The following MICAL3 variants were observed in gnomAD, a reference collection of about 807,000 sequenced individuals.
MICAL3 encodes the protein [F-actin]-monooxygenase MICAL3.
Under a neutral mutation model 207.4 loss-of-function variants are expected in MICAL3, and 62 were observed. That is an observed-to-expected ratio of 0.30 (90% CI 0.24 to 0.37). The LOEUF is 0.37. MICAL3 is among the 10% of genes least tolerant of loss of function. MICAL3 has a pLI of 1.00. For synonymous variants in MICAL3, 1,077 were observed against 1,069.3 expected, an observed-to-expected ratio of 1.01 and a Z score of -0.14; for missense variants, 2,368 against 2,635.6, an observed-to-expected ratio of 0.90 and a Z score of 2.22.
At chr22:17,843,120 C>CAAAAAAAAA (rs71966425) in intron 19 of MICAL3, among the ~76,000 whole-genome samples, 2 of 62,890 alleles carry the variant, frequency 3.2e-5, no homozygotes, top group African/African-American at 6.2e-5. Flanking sequence ...GACTTCATCT[C>CAAAAAAAAA]AAAAAAAAAA....
At chr22:17,915,234 C>T (rs1280852445) in intron 1 of MICAL3, among the ~76,000 whole-genome samples, 1 of 152,238 alleles carries the variant, frequency 6.6e-6, no homozygotes, top group Non-Finnish European at 1.5e-5. Context: ...ACCCAACACT[C>T]TGCTTAGCAC....
chr22:17,947,938 C>T (rs1352551505), intron 1 of MICAL3, among the ~76,000 whole-genome samples: 2 of 152,002 alleles, frequency 1.3e-5, no homozygotes, highest in African/African-American at 4.8e-5. Context: ...GTGTCTCCTA[C>T]CAGACAGACA....
Position 18,014,359 on chromosome 22 carries a change from A to G in MICAL3, c.-75+9922T>C, listed in dbSNP as rs561427250. 3.3e-5 allele frequency among the ~76,000 whole-genome samples: 5 copies of G among 152,352 alleles called. No individual in the cohort carries two copies. In the East Asian group the frequency reaches 7.7e-4, roughly 23 times the overall value. Reference sequence around the variant, plus strand: ...AGGTTATGTAGCAAACCAAAGGTTCAGGAGAACCCAGGAACTGTATATTAG... The same window carrying G: ...AGGTTATGTAGCAAACCAAAGGTTCGGGAGAACCCAGGAACTGTATATTAG... On this transcript the variant is annotated intron_variant, in intron 1 of 31. Coordinates refer to ENST00000441493, the MANE Select transcript of MICAL3 (RefSeq NM_015241.3).
rs575538195 is a variant in MICAL3, at chr22:17,929,848, G to A, written c.-74-22962C>T. 3.9e-3 allele frequency among the ~76,000 whole-genome samples: 600 copies of A among 152,242 alleles called. 2 individuals carry two copies. Among genetic ancestry groups the A allele is most frequent in the Admixed American group, 6.0e-3 (91 of 15,292 alleles). ...CTCCCAAAGTGCTGGGATTACAGGC[G>A]TGAGCCACTGCGCCCGGCCTCTATG... On this transcript the variant is annotated intron_variant, in intron 1 of 31. Coordinates refer to ENST00000441493, the MANE Select transcript of MICAL3 (RefSeq NM_015241.3).
intron 1 of MICAL3, among the ~76,000 whole-genome samples, chr22:17,939,479 G>A (rs182682667): frequency 7.7e-4 from 118 of 152,322 alleles, no homozygotes; most frequent in Admixed American, 5.0e-3. Context: ...TAGCAGCCAC[G>A]TATCCCTGCC....
At chr22:17,919,076 G>GTTTTTTTTTTTTTTTTTTTTTTT (rs35096617) in intron 1 of MICAL3, among the ~76,000 whole-genome samples, 3 of 136,502 alleles carry the variant, frequency 2.2e-5, no homozygotes, top group African/African-American at 5.9e-5. Flanking sequence ...GTTTTTGTGG[G>GTTTTTTTTTTTTTTTTTTTTTTT]TTTTTTTTTT....
intron 19 of MICAL3, among the ~76,000 whole-genome samples, chr22:17,848,445 G>A (rs998547142): frequency 6.6e-6 from 1 of 152,182 alleles, no homozygotes; most frequent in African/African-American, 2.4e-5. Context: ...TTCCAGTTTA[G>A]GGCCAGGCCT....
intron 16 of MICAL3, among the ~76,000 whole-genome samples, chr22:17,877,405 GGGAAGTTAT>G (rs1928843907): frequency 5.3e-5 from 5 of 93,778 alleles, no homozygotes; most frequent in African/African-American, 1.2e-4. Context: ...AGGGAGGTTA[GGGAAGTTAT>G]GGAGGTTAGG....
At chr22:17,961,907 T>C (rs151088143) in intron 1 of MICAL3, among the ~76,000 whole-genome samples, 2 of 152,302 alleles carry the variant, frequency 1.3e-5, no homozygotes, top group East Asian at 3.9e-4. Flanking sequence ...GGCTGTGCAG[T>C]ATCACAAGAT....
intron 16 of MICAL3, chr22:17,881,141 T>C: frequency 7.5e-7 from 1 of 1,326,690 alleles, no homozygotes; most frequent in East Asian, 2.3e-5. Context: ...GTCTCTACAC[T>C]AGCCACCTAC....
At position 17,788,837 on chromosome 22, in the gene MICAL3, T is replaced by C. The variant is rs773923896; in HGVS notation, c.*1895A>G. ...AAGTTGAAGCACAGTGTGGTTCCCATGGAAAGCCCAAGGTCAGCACAGCCA... is the reference window on the plus strand; with the variant it reads ...AAGTTGAAGCACAGTGTGGTTCCCACGGAAAGCCCAAGGTCAGCACAGCCA... On this transcript the variant is annotated 3_prime_UTR_variant, in exon 32 of 32. Transcript: ENST00000441493. The C allele has an allele frequency of 1.3e-5, 2 of 152,438 alleles. No homozygotes were observed. Among genetic ancestry groups the C allele is most frequent in the African/African-American group, 4.8e-5 (2 of 41,484 alleles). The allele number at this position is 152,438 out of a possible 1,614,324, so 9.4% of individuals were successfully genotyped here. A position where few individuals can be genotyped will look rare whatever the true frequency, so the allele number is the denominator to read the frequency against.
chr22:17,874,041 G>A (rs1037216642), intron 16 of MICAL3, among the ~76,000 whole-genome samples: 1 of 152,246 alleles, frequency 6.6e-6, no homozygotes, highest in East Asian at 1.9e-4. Flanking sequence ...GGCCTCGTGT[G>A]AGGAAGAAAC....
chr22:17,857,537 A>G (rs939330929), intron 19 of MICAL3, among the ~76,000 whole-genome samples: 9 of 152,238 alleles, frequency 5.9e-5, no homozygotes, highest in Non-Finnish European at 1.2e-4. Context: ...TGATCACAGA[A>G]CACAGAATAA....
In MICAL3 at chr22:18,018,126, G is replaced by A. The variant is rs910431321; in HGVS notation, c.-75+6155C>T. Among the ~76,000 whole-genome samples the A allele has an allele frequency of 4.6e-5, 7 of 151,894 alleles. No individual in the cohort carries two copies. In the South Asian group the frequency reaches 8.3e-4, roughly 18 times the overall value. Reference sequence around the variant, plus strand: ...CCTGACCTCGTGATCCGCCTGCCTCGGCCTCCCAAATTGCTGGGATTACAA... The same window carrying A: ...CCTGACCTCGTGATCCGCCTGCCTCAGCCTCCCAAATTGCTGGGATTACAA... On this transcript the variant is annotated intron_variant, in intron 1 of 31. Coordinates refer to ENST00000441493, the MANE Select transcript of MICAL3 (RefSeq NM_015241.3).
intron 16 of MICAL3, chr22:17,876,781 TTAGG>T (rs1928449833): frequency 1.5e-5 from 2 of 131,172 alleles, no homozygotes; most frequent in East Asian, 2.3e-4. Flanking sequence ...GTTATGGAGG[TTAGG>T]GAGGTTAGGG....
rs144677721 is a variant in MICAL3 at position 17,799,903 on chromosome 22, A to G, written c.5651-8602T>C. 5.6e-5 allele frequency among the ~76,000 whole-genome samples: 8 copies of G among 143,480 alleles called. No individual in the cohort carries two copies. In the East Asian group the frequency reaches 1.0e-3, roughly 18 times the overall value. The allele number at this position is 143,480 out of a possible 152,430, so 94.1% of individuals were successfully genotyped here. The stretch of plus-strand genomic sequence containing the variant: ...ATGCATGTAAGAATTACAATCTAAA[A>G]CACACAAACACACACACACACGCGC... On this transcript the variant is annotated intron_variant, in intron 29 of 31. Transcript: ENST00000441493.
rs137935994 is a variant in MICAL3 at position 17,934,435 on chromosome 22, C to T, written c.-74-27549G>A. On this transcript the variant is annotated intron_variant, in intron 1 of 31. Transcript: ENST00000441493. ...CTTCATGCTAAAAACTCTCAATAAA[C>T]TAGGTATTGATGGAACTTATCTGAA... Among the ~76,000 whole-genome samples, 23 of 152,260 alleles carry T rather than the reference C, an allele frequency of 1.5e-4. No individual in the cohort carries two copies. In the East Asian group the frequency reaches 4.0e-3, roughly 27 times the overall value.
At chr22:18,010,555 T>C (rs2146502815) in intron 1 of MICAL3, among the ~76,000 whole-genome samples, 1 of 152,242 alleles carries the variant, frequency 6.6e-6, no homozygotes, top group South Asian at 2.1e-4. Flanking sequence ...GAGGGGGTAT[T>C]TGAGAGGTCC....
At chr22:17,828,467 G>A (rs568918068) in intron 21 of MICAL3, among the ~76,000 whole-genome samples, 4 of 152,316 alleles carry the variant, frequency 2.6e-5, no homozygotes, top group South Asian at 2.1e-4. Flanking sequence ...GCAAGGACAC[G>A]GATCCCAGTG....
Sources: allele counts gnomAD v4.1 joint callset (sites outside exome capture counted in the v4.1 genomes callset), GRCh38; gene constraint gnomAD v4.1.1; transcripts MANE v1.5; gene names NCBI Gene and HGNC (gene_info 2026-07-23, HGNC 2026-07-21).